Variants in CACNA2D3 observed in about 807,000 individuals in gnomAD.
CACNA2D3 encodes voltage-dependent calcium channel subunit alpha-2/delta-3.
In CACNA2D3, 60 loss-of-function variants were observed where a neutral mutation model predicts 160.6. The observed-to-expected ratio is 0.37, with a 90% CI of 0.30 to 0.46. The LOEUF is 0.46. Among genes scored for constraint, CACNA2D3 ranks in the 20% least tolerant of loss-of-function variants. CACNA2D3 has a pLI of 1.00. For missense variants in CACNA2D3, 1,205 were observed against 1,365.0 expected (o/e 0.88, Z 1.85); for synonymous variants, 558 against 492.9 (o/e 1.13, Z -1.75).
intron 2 of CACNA2D3, among the ~76,000 whole-genome samples, chr3:54,163,175 T>C (rs988570052): frequency 6.6e-6 from 1 of 152,344 alleles, no homozygotes; most frequent in African/African-American, 2.4e-5. Context: ...GTGATGACTT[T>C]GGATTTGACA....
intron 27 of CACNA2D3, among the ~76,000 whole-genome samples, chr3:54,932,349 ATACGCG>A (rs144227495): frequency 0.013 from 2,042 of 152,270 alleles, 44 homozygotes; most frequent in African/African-American, 0.046. Flanking sequence ...AACCCTATAA[ATACGCG>A]TTGGTTTGTC....
At chr3:54,544,915 A>G (rs1343782578) in intron 5 of CACNA2D3, among the ~76,000 whole-genome samples, 1 of 152,222 alleles carries the variant, frequency 6.6e-6, no homozygotes, top group African/African-American at 2.4e-5. Flanking sequence ...TAATCATCAA[A>G]TAGATCAAAT....
chr3:54,828,852 A>G (rs2106740695), intron 14 of CACNA2D3, among the ~76,000 whole-genome samples: 1 of 152,360 alleles, frequency 6.6e-6, no homozygotes, highest in African/African-American at 2.4e-5. Flanking sequence ...AAGAAGAGGG[A>G]AAATGTTTTG....
At chr3:54,492,289 C>A (rs931037654) in intron 4 of CACNA2D3, among the ~76,000 whole-genome samples, 7 of 152,066 alleles carry the variant, frequency 4.6e-5, no homozygotes, top group African/African-American at 1.2e-4. Context: ...AAAGCCAGGA[C>A]CCTTGTTCTT....
chr3:54,483,331 A>G (rs937935539), intron 4 of CACNA2D3, among the ~76,000 whole-genome samples: 1 of 152,298 alleles, frequency 6.6e-6, no homozygotes, highest in South Asian at 2.1e-4. Context: ...AGCAAACAGC[A>G]TCTTGCAGTT....
At chr3:54,918,321 CTTTTTTTTTTCTTTTTTTTTTT>C (rs1700715446) in intron 27 of CACNA2D3, 2 of 390,728 alleles carry the variant, frequency 5.1e-6, no homozygotes, top group Non-Finnish European at 8.4e-6. Context: ...ACAGACACAT[CTTTTTTTTTTCTTTTTTTTTTT>C]TTTTTTTTTT....
At chr3:54,562,293 G>T (rs1702338256) in intron 5 of CACNA2D3, among the ~76,000 whole-genome samples, 1 of 152,184 alleles carries the variant, frequency 6.6e-6, no homozygotes, top group Non-Finnish European at 1.5e-5. Flanking sequence ...GAGAGATTTA[G>T]TTATGTAATT....
chr3:54,457,976 T>C (rs1189342498), intron 4 of CACNA2D3, among the ~76,000 whole-genome samples: 1 of 152,130 alleles, frequency 6.6e-6, no homozygotes, highest in African/African-American at 2.4e-5. Context: ...GGTCTTTACA[T>C]GCAAAGTAAA....
At chr3:54,235,345 T>G (rs2107399075) in intron 2 of CACNA2D3, among the ~76,000 whole-genome samples, 1 of 152,248 alleles carries the variant, frequency 6.6e-6, no homozygotes, top group Admixed American at 6.5e-5. Flanking sequence ...GCAGGAAGCA[T>G]GAAGCTGCAT....
chr3:54,607,099 C>T (rs2106783006), intron 9 of CACNA2D3, among the ~76,000 whole-genome samples: 2 of 152,290 alleles, frequency 1.3e-5, no homozygotes, highest in South Asian at 4.1e-4. Context: ...TTTAAGGTTT[C>T]CATTTCAATA....
At chr3:54,334,239 A>G (rs1704327325) in intron 3 of CACNA2D3, among the ~76,000 whole-genome samples, 1 of 152,034 alleles carries the variant, frequency 6.6e-6, no homozygotes, top group East Asian at 1.9e-4. Flanking sequence ...GGCGCTCGCC[A>G]CGACGCTCAG....
intron 2 of CACNA2D3, among the ~76,000 whole-genome samples, chr3:54,260,546 A>C (rs1702384611): frequency 6.6e-6 from 1 of 151,998 alleles, no homozygotes; most frequent in Non-Finnish European, 1.5e-5. Flanking sequence ...ATCTAATCCT[A>C]ATTACTTCTC....
intron 2 of CACNA2D3, among the ~76,000 whole-genome samples, chr3:54,242,046 T>C (rs1012233294): frequency 9.9e-5 from 15 of 152,282 alleles, no homozygotes; most frequent in African/African-American, 3.6e-4. Context: ...CACTTATGTG[T>C]TTTCCTATAC....
intron 4 of CACNA2D3, among the ~76,000 whole-genome samples, chr3:54,419,479 A>G (rs554116430): frequency 6.6e-6 from 1 of 152,360 alleles, no homozygotes; most frequent in South Asian, 2.1e-4. Flanking sequence ...CACATTTTAT[A>G]CTATTGTTCC....
intron 2 of CACNA2D3, among the ~76,000 whole-genome samples, chr3:54,319,198 A>C (rs1192421703): frequency 7.2e-6 from 1 of 139,208 alleles, no homozygotes; most frequent in African/African-American, 2.6e-5. Context: ...ACACACACAC[A>C]CACCCTTCCT....
chr3:54,210,122 G>A (rs951323905), intron 2 of CACNA2D3, among the ~76,000 whole-genome samples: 2 of 152,128 alleles, frequency 1.3e-5, no homozygotes, highest in African/African-American at 4.8e-5. Flanking sequence ...TTTGTTAGAA[G>A]GTTATAAGTG....
chr3:54,460,551 T>G (rs1022621076), intron 4 of CACNA2D3, among the ~76,000 whole-genome samples: 1 of 152,138 alleles, frequency 6.6e-6, no homozygotes, highest in African/African-American at 2.4e-5. Flanking sequence ...TGAATGGGAG[T>G]TCACTCATGA....
At chr3:54,469,252 T>C (rs1480475905) in intron 4 of CACNA2D3, among the ~76,000 whole-genome samples, 3 of 152,198 alleles carry the variant, frequency 2.0e-5, no homozygotes, top group African/African-American at 7.2e-5. Flanking sequence ...TCTTTGCTGT[T>C]GTGCAGCCTC....
At chr3:54,298,700 G>C (rs1443574318) in intron 2 of CACNA2D3, among the ~76,000 whole-genome samples, 2 of 152,112 alleles carry the variant, frequency 1.3e-5, no homozygotes, top group Non-Finnish European at 2.9e-5. Context: ...TAGCTACTCA[G>C]GAGGCTGAGG....
Sources: gnomAD v4.1 joint callset for allele counts (sites outside exome capture counted in the v4.1 genomes callset) on GRCh38, gnomAD v4.1.1 for gene constraint, MANE v1.5 for transcripts, NCBI Gene and HGNC (gene_info 2026-07-23, HGNC 2026-07-21) for gene names.